The following ATXN3 variants were observed in gnomAD, a reference collection of about 807,000 sequenced individuals.
ATXN3 encodes ataxin-3.
ATXN3 carries 28 observed loss-of-function variants against 58.2 expected under a neutral mutation model. The ratio of observed to expected loss-of-function variants is 0.48; its 90% CI spans 0.36 to 0.66. ATXN3 has a LOEUF of 0.66. Ranked by LOEUF, ATXN3 falls within the 30% of genes least tolerant of loss-of-function variation. ATXN3 has a pLI of 0.00. For synonymous variants in ATXN3, 113 were observed against 138.5 expected (o/e 0.82, Z 1.29); for missense variants, 321 against 422.1 (o/e 0.76, Z 2.10).
intron 9 of ATXN3, chr14:92,079,293 T>G: frequency 3.4e-6 from 1 of 298,380 alleles, no homozygotes; most frequent in Non-Finnish European, 4.9e-6. Context: ...AATTTGGAGT[T>G]TATTATAATA....
At chr14:92,106,018 C>T (rs908175600) in intron 1 of ATXN3, among the ~76,000 whole-genome samples, 1 of 152,096 alleles carries the variant, frequency 6.6e-6, no homozygotes, top group African/African-American at 2.4e-5. Context: ...GGACCTAGTG[C>T]AGGGGAAAGA....
At chr14:92,102,888 T>C (rs950254257) in intron 1 of ATXN3, among the ~76,000 whole-genome samples, 2 of 152,190 alleles carry the variant, frequency 1.3e-5, no homozygotes, top group African/African-American at 2.4e-5. Context: ...ATACAGAATT[T>C]GGCTTCTCCT....
downstream of ATXN3, among the ~76,000 whole-genome samples, chr14:92,054,847 A>T (rs1292431354): frequency 1.3e-5 from 2 of 151,828 alleles, no homozygotes; most frequent in African/African-American, 2.4e-5. Context: ...AAAAAAACCC[A>T]TAGCATGTAA....
At chr14:92,100,530 T>C (rs1375362850) in intron 1 of ATXN3, among the ~76,000 whole-genome samples, 2 of 151,800 alleles carry the variant, frequency 1.3e-5, no homozygotes, top group Non-Finnish European at 1.5e-5. Context: ...ACTACAACAG[T>C]AGTTAATTAA....
intron 9 of ATXN3, among the ~76,000 whole-genome samples, chr14:92,072,554 C>T (rs2059614270): frequency 5.3e-5 from 8 of 151,676 alleles, no homozygotes; most frequent in Admixed American, 5.3e-4. Context: ...CCTAAAAAAC[C>T]CCAAATCTAA....
rs1361232922 is a variant in ATXN3, at chr14:92,104,346, T to A, written c.24+2183A>T. Among the ~76,000 whole-genome samples the A allele has an allele frequency of 2.0e-5, 3 of 152,126 alleles. No individual in the cohort carries two copies. In the East Asian group the frequency reaches 5.8e-4, roughly 30 times the overall value. The stretch of plus-strand genomic sequence containing the variant: ...TAGTAGAGACGGGGTTTCACCATGT[T>A]GGCCAGGCTGGTCTCAAACTACTGA... On this transcript the variant is annotated intron_variant, in intron 1 of 10. Transcript: ENST00000644486.
At chr14:92,091,455 G>A (rs113221913) in intron 5 of ATXN3, among the ~76,000 whole-genome samples, 42,034 of 150,162 alleles carry the variant, frequency 0.28, 6,237 homozygotes, top group East Asian at 0.44. Flanking sequence ...CGTCTCAAAA[G>A]AAGGAAAGAA....
intron 5 of ATXN3, among the ~76,000 whole-genome samples, chr14:92,091,245 G>C (rs1052174941): frequency 1.3e-5 from 2 of 152,100 alleles, no homozygotes; most frequent in Non-Finnish European, 2.9e-5. Context: ...GAGGTCAGGA[G>C]TTCAAGACCA....
intron 2 of ATXN3, 135 bp from the exon 3 acceptor site, chr14:92,096,272 C>T: frequency 1.3e-6 from 2 of 1,558,496 alleles, no homozygotes; most frequent in Non-Finnish European, 1.7e-6. Flanking sequence ...TTATAATTCA[C>T]CAGTCAGATC....
intron 9 of ATXN3, among the ~76,000 whole-genome samples, chr14:92,071,398 C>T (rs1215216727): frequency 7.2e-5 from 11 of 151,836 alleles, no homozygotes; most frequent in Admixed American, 5.9e-4. Flanking sequence ...AAGTTTGACA[C>T]GAGCCTGGAC....
intron 9 of ATXN3, among the ~76,000 whole-genome samples, chr14:92,075,156 G>GTTTTTT (rs376552690): frequency 7.3e-4 from 81 of 111,334 alleles, no homozygotes; most frequent in Non-Finnish European, 1.0e-3. Flanking sequence ...GTAATAGGGA[G>GTTTTTT]TTTTTTTTTT....
upstream of ATXN3, among the ~76,000 whole-genome samples, chr14:92,051,247 T>A (rs2057446741): frequency 1.3e-5 from 2 of 152,214 alleles, no homozygotes; most frequent in African/African-American, 2.4e-5. Flanking sequence ...TGTACCAAGA[T>A]TATATTGCCT....
chr14:92,056,000 AG>A (rs1208934817), downstream of ATXN3, among the ~76,000 whole-genome samples: 1 of 152,184 alleles, frequency 6.6e-6, no homozygotes, highest in Non-Finnish European at 1.5e-5. The surrounding 1 kb of genome is among the most constrained non-coding windows in gnomAD (Gnocchi z 4.5). Flanking sequence ...GTCTGGCAAA[AG>A]GGGTTTCAGT....
At chr14:92,078,582 T>TG (rs2060865601) in intron 9 of ATXN3, among the ~76,000 whole-genome samples, 1 of 151,050 alleles carries the variant, frequency 6.6e-6, no homozygotes, top group Non-Finnish European at 1.5e-5. Flanking sequence ...AGGCTGGTCT[T>TG]GAACTCCTGA....
At chr14:92,089,571 C>T (rs2140969364) in intron 5 of ATXN3, among the ~76,000 whole-genome samples, 1 of 152,020 alleles carries the variant, frequency 6.6e-6, no homozygotes, top group African/African-American at 2.4e-5. Context: ...ATCTCTTGAC[C>T]TTGTGATCCG....
In ATXN3 at chr14:92,063,247, A is replaced by C. The variant is rs2057901629; in HGVS notation, c.*1073T>G. ...ATGTTCCAGATCACCATCTTTGACA[A>C]GCTATACCTACTAAAAGATGTGAAG... On this transcript the variant is annotated 3_prime_UTR_variant, in exon 11 of 11. Coordinates refer to ENST00000644486, the MANE Select transcript of ATXN3 (RefSeq NM_004993.6). 1 of 152,568 alleles carries C rather than the reference A, an allele frequency of 6.6e-6. No individual in the cohort carries two copies. The allele number at this position is 152,568 out of a possible 1,614,324, so 9.5% of individuals were successfully genotyped here.
intron 3 of ATXN3, among the ~76,000 whole-genome samples, chr14:92,094,803 C>T (rs1346500161): frequency 6.6e-6 from 1 of 152,158 alleles, no homozygotes; most frequent in Admixed American, 6.5e-5. Flanking sequence ...ATAGGAAACG[C>T]CAAGTGCTGG....
At chr14:92,055,533 C>T (rs536496528), downstream of ATXN3, among the ~76,000 whole-genome samples, 2 of 152,192 alleles carry the variant, frequency 1.3e-5, no homozygotes, top group South Asian at 2.1e-4. The surrounding 1 kb of genome is among the most constrained non-coding windows in gnomAD (Gnocchi z 4.5). Context: ...AACCATCCCC[C>T]GGCAACCACC....
chr14:92,077,821 A>T (rs1337114385), intron 9 of ATXN3, among the ~76,000 whole-genome samples: 1 of 149,094 alleles, frequency 6.7e-6, no homozygotes, highest in Non-Finnish European at 1.5e-5. Context: ...ATTTTTTTGT[A>T]TTTTTAGTAG....
Sources: allele counts gnomAD v4.1 joint callset (sites outside exome capture counted in the v4.1 genomes callset), GRCh38; gene constraint gnomAD v4.1.1; non-coding constraint Gnocchi (gnomAD v3.1); transcripts MANE v1.5; gene names NCBI Gene and HGNC (gene_info 2026-07-23, HGNC 2026-07-21).